The following CHTF8 variants were observed in gnomAD, a reference collection of about 807,000 sequenced individuals.
CHTF8 encodes chromosome transmission fidelity factor 8, also known as chromosome transmission fidelity protein 8 homolog.
A neutral mutation model predicts 11.0 loss-of-function variants in CHTF8; 6 were observed. The ratio of observed to expected loss-of-function variants is 0.55; its 90% CI spans 0.30 to 1.08. The LOEUF is 1.08. CHTF8 is among the 50% of genes least tolerant of loss of function. CHTF8 has a pLI of 0.07. For synonymous variants in CHTF8, 53 were observed against 60.5 expected, an observed-to-expected ratio of 0.88 and a Z score of 0.57; for missense variants, 140 against 153.1, an observed-to-expected ratio of 0.91 and a Z score of 0.45.
chr16:69,120,496 G>A lies in CHTF8; in HGVS notation c.295C>T (p.Leu99Phe), dbSNP rs1961566223. Residue 99 changes from leucine to phenylalanine, a missense_variant, in exon 4 of 4, where the codon CTC becomes TTC. Transcript: ENST00000448552. This position sits in a 1 kb window ranked among gnomAD's most constrained non-coding sequence, Gnocchi z 4.0. Reference protein sequence around the residue: ...ETGTRYLVTALIKDKILFKTR... With the variant: ...ETGTRYLVTAFIKDKILFKTR... ...TTGAAAAGGATCTTGTCTTTGATGAGTGCTGTCACCAGGTACCGGGTGCCA... is the reference window on the plus strand; with the variant it reads ...TTGAAAAGGATCTTGTCTTTGATGAATGCTGTCACCAGGTACCGGGTGCCA... The A allele has an allele frequency of 1.2e-6, 2 of 1,614,118 alleles. No homozygotes were observed. Among genetic ancestry groups the A allele is most frequent in the Non-Finnish European group, 1.7e-6 (2 of 1,180,018 alleles).
In CHTF8 at chr16:69,118,458, A is replaced by G; in HGVS notation, c.*1967T>C. The G allele has an allele frequency of 6.3e-7, 1 of 1,592,112 alleles. No homozygotes were observed. The highest frequency in any genetic ancestry group is 8.6e-7 in the Non-Finnish European group (1 of 1,159,970). The stretch of plus-strand genomic sequence containing the variant: ...CACCAACGCCACGTTTCTAGAGAGC[A>G]GTGAGCTGATTCTCCAATGGTGAGC... On this transcript the variant is annotated 3_prime_UTR_variant, in exon 4 of 4. Coordinates refer to ENST00000448552, the MANE Select transcript of CHTF8 (RefSeq NM_001039690.5).
In CHTF8 at chr16:69,120,758, G is replaced by A. The variant is rs1282037237; in HGVS notation, c.142-109C>T. Reference sequence around the variant, plus strand: ...GCTATGCTGGCACCTCCAATCCCTGGTCTGGCTCTGCCATTGTTGAGCAGC... The same window carrying A: ...GCTATGCTGGCACCTCCAATCCCTGATCTGGCTCTGCCATTGTTGAGCAGC... On this transcript the variant is annotated intron_variant, in intron 3 of 3. Coordinates refer to ENST00000448552, the MANE Select transcript of CHTF8 (RefSeq NM_001039690.5). This position sits in a 1 kb window ranked among gnomAD's most constrained non-coding sequence, Gnocchi z 4.0. The A allele has an allele frequency of 3.1e-6, 3 of 954,794 alleles. No individual in the cohort carries two copies. The highest frequency in any genetic ancestry group is 4.8e-6 in the Non-Finnish European group (3 of 622,020). 59.1% of individuals were successfully genotyped at this position (954,794 alleles called of 1,614,324 possible). A position where few individuals can be genotyped will look rare whatever the true frequency, so the allele number is the denominator to read the frequency against.
intron 1 of CHTF8, among the ~76,000 whole-genome samples, chr16:69,123,482 C>T (rs1961829296): frequency 6.6e-6 from 1 of 152,020 alleles, no homozygotes; most frequent in Non-Finnish European, 1.5e-5. Context: ...CACGGTGAAA[C>T]CCAGTCTCTA....
At chr16:69,129,841 C>T (rs1258137371) in intron 1 of CHTF8, among the ~76,000 whole-genome samples, 1 of 152,146 alleles carries the variant, frequency 6.6e-6, no homozygotes, top group Non-Finnish European at 1.5e-5. Context: ...TTGTAACTTG[C>T]CACCAAAGTA....
In CHTF8 at chr16:69,132,541, CCCGCCGCCGTCG is replaced by C. The variant is rs1962635401; in HGVS notation, c.-105_-94del. 1 of 357,408 alleles carries C rather than the reference CCCGCCGCCGTCG, an allele frequency of 2.8e-6. No homozygotes were observed. The highest frequency in any genetic ancestry group is 5.5e-6 in the Non-Finnish European group (1 of 182,402). The allele number at this position is 357,408 out of a possible 1,614,324, so 22.1% of individuals were successfully genotyped here. On this transcript the variant is annotated 5_prime_UTR_variant, in exon 1 of 4. Coordinates refer to ENST00000448552, the MANE Select transcript of CHTF8 (RefSeq NM_001039690.5). ...CGGCCAACGGGCGACAACCGAACCT[CCCGCCGCCGTCG>C]CCGCCGCCGCGAGCACTGCCTGCGC...
At chr16:69,122,363 T>C (rs1487706182) in intron 1 of CHTF8, among the ~76,000 whole-genome samples, 1 of 150,164 alleles carries the variant, frequency 6.7e-6, no homozygotes, top group Non-Finnish European at 1.5e-5. Context: ...CTTAAGGATA[T>C]TCTTTTTTTT....
rs1203964900 is a variant in CHTF8 at position 69,120,005 on chromosome 16, G to A, written c.*420C>T. The A allele has an allele frequency of 4.3e-6, 3 of 693,596 alleles. No individual in the cohort carries two copies. The highest frequency in any genetic ancestry group is 7.9e-6 in the Non-Finnish European group (3 of 379,132). 43.0% of individuals were successfully genotyped at this position (693,596 alleles called of 1,614,324 possible). On this transcript the variant is annotated 3_prime_UTR_variant, in exon 4 of 4. Transcript: ENST00000448552. This position sits in a 1 kb window ranked among gnomAD's most constrained non-coding sequence, Gnocchi z 4.0. Reference sequence around the variant, plus strand: ...AGACCCCCTAACCTGGGGTTAGACAGAGGCCCTGGGCCTGGCAGAGCCCCT... The same window carrying A: ...AGACCCCCTAACCTGGGGTTAGACAAAGGCCCTGGGCCTGGCAGAGCCCCT...
intron 1 of CHTF8, among the ~76,000 whole-genome samples, chr16:69,127,937 CAG>C (rs1029867624): frequency 1.4e-4 from 21 of 150,878 alleles, no homozygotes; most frequent in African/African-American, 4.9e-4. Flanking sequence ...TTTTTTGAGA[CAG>C]AGTCTCACTC....
chr16:69,129,304 C>A lies in CHTF8; in HGVS notation c.-36+3180G>T, dbSNP rs139224144. On this transcript the variant is annotated intron_variant, in intron 1 of 3. Transcript: ENST00000448552. ...AATTAGCCGGGCGTGGTGGCAGGTG[C>A]CTGTAGTCCTAGCTACTCAGGAGGC... 2.3e-3 allele frequency among the ~76,000 whole-genome samples: 352 copies of A among 151,682 alleles called. 2 individuals carry two copies. Among genetic ancestry groups the A allele is most frequent in the Non-Finnish European group, 2.8e-3 (189 of 67,904 alleles).
At chr16:69,124,035 T>G (rs1961881626) in intron 1 of CHTF8, among the ~76,000 whole-genome samples, 2 of 147,244 alleles carry the variant, frequency 1.4e-5, no homozygotes, top group South Asian at 4.2e-4. Context: ...ACCTGGGAGA[T>G]AAAGGTTGCA....
intron 1 of CHTF8, among the ~76,000 whole-genome samples, chr16:69,129,478 A>G (rs1597122492): frequency 6.6e-6 from 1 of 151,526 alleles, no homozygotes; most frequent in African/African-American, 2.4e-5. Flanking sequence ...CAGGCAGAAC[A>G]TTATTTTTAT....
At chr16:69,126,879 C>T (rs1314318588) in intron 1 of CHTF8, among the ~76,000 whole-genome samples, 1 of 152,116 alleles carries the variant, frequency 6.6e-6, no homozygotes, top group Non-Finnish European at 1.5e-5. Flanking sequence ...GTAGGGATTC[C>T]TGAGTACTCC....
chr16:69,129,639 T>C lies in CHTF8; in HGVS notation c.-36+2845A>G, dbSNP rs116327193. ...CTTAGAGGAGCTAAATGTTAACTGG[T>C]CACACAGCTACTTAAGTGGAGAGCT... On this transcript the variant is annotated intron_variant, in intron 1 of 3. Coordinates refer to ENST00000448552, the MANE Select transcript of CHTF8 (RefSeq NM_001039690.5). Among the ~76,000 whole-genome samples the C allele has an allele frequency of 7.6e-3, 1,159 of 152,254 alleles. 16 individuals are homozygous for C. Among genetic ancestry groups the C allele is most frequent in the African/African-American group, 0.025 (1,043 of 41,528 alleles).
At chr16:69,124,310 T>C (rs1961903110) in intron 1 of CHTF8, among the ~76,000 whole-genome samples, 1 of 152,208 alleles carries the variant, frequency 6.6e-6, no homozygotes, top group Non-Finnish European at 1.5e-5. Flanking sequence ...CAATGTATTA[T>C]GCAGTTTAGT....
chr16:69,127,406 G>A (rs907013093), intron 1 of CHTF8, among the ~76,000 whole-genome samples: 1 of 152,198 alleles, frequency 6.6e-6, no homozygotes, highest in Non-Finnish European at 1.5e-5. Context: ...AGAAGAATAT[G>A]TCTAAGTCTT....
chr16:69,118,279 C>CCCTG lies in CHTF8; in HGVS notation c.*2145_*2146insCAGG. On this transcript the variant is annotated 3_prime_UTR_variant, in exon 4 of 4. Transcript: ENST00000448552. The stretch of plus-strand genomic sequence containing the variant: ...TCCCAGGAGAAGGGAGCTGCAGGCC[C>CCCTG]AGTCAGTCAAGCAGAAACTGCATTC... The CCCTG allele has an allele frequency of 1.1e-6, 1 of 919,308 alleles. No homozygotes were observed. The highest frequency in any genetic ancestry group is 1.8e-6 in the Non-Finnish European group (1 of 554,682). 56.9% of individuals were successfully genotyped at this position (919,308 alleles called of 1,614,324 possible).
At position 69,118,580 on chromosome 16, in the gene CHTF8, A is replaced by G; in HGVS notation, c.*1845T>C. ...GAAACTAGTAAGAAACAATGGGCAG[A>G]AAGCTGTGGGACGAAAGCACAGCAG... On this transcript the variant is annotated 3_prime_UTR_variant, in exon 4 of 4. Coordinates refer to ENST00000448552, the MANE Select transcript of CHTF8 (RefSeq NM_001039690.5). The G allele has an allele frequency of 2.7e-6, 2 of 745,118 alleles. No individual in the cohort carries two copies. The highest frequency in any genetic ancestry group is 4.8e-6 in the Non-Finnish European group (2 of 412,408). The allele number at this position is 745,118 out of a possible 1,614,324, so 46.2% of individuals were successfully genotyped here. A position where few individuals can be genotyped will look rare whatever the true frequency, so the allele number is the denominator to read the frequency against.
Position 69,118,791 on chromosome 16 carries a change from G to C in CHTF8, c.*1634C>G. ...GCTCCACAACTACCCTTTTACCTAA[G>C]ACAGCCCCTGCCAAGAACCACAGTG... On this transcript the variant is annotated 3_prime_UTR_variant, in exon 4 of 4. Transcript: ENST00000448552. The C allele has an allele frequency of 1.5e-6, 1 of 655,108 alleles. No homozygotes were observed. The highest frequency in any genetic ancestry group is 2.8e-6 in the Non-Finnish European group (1 of 362,724). The allele number at this position is 655,108 out of a possible 1,614,324, so 40.6% of individuals were successfully genotyped here.
chr16:69,132,321 C>A (rs1195344878), intron 1 of CHTF8, among the ~76,000 whole-genome samples, 163 bp downstream of exon 1: 24 of 143,202 alleles, frequency 1.7e-4, no homozygotes, highest in South Asian at 9.0e-4. Context: ...CCACCCCTCC[C>A]CCGCCCGCGC....
Sources: gnomAD v4.1 joint callset for allele counts (sites outside exome capture counted in the v4.1 genomes callset) on GRCh38, gnomAD v4.1.1 for gene constraint, Gnocchi (gnomAD v3.1) non-coding constraint, MANE v1.5 for transcripts, NCBI Gene and HGNC (gene_info 2026-07-23, HGNC 2026-07-21) for gene names.